Variants in GPC5 observed in about 807,000 individuals in gnomAD.
The protein encoded by GPC5 is glypican 5.
Under a neutral mutation model 53.9 loss-of-function variants are expected in GPC5, and 47 were observed. That is an observed-to-expected ratio of 0.87 (90% CI 0.69 to 1.11). The LOEUF (loss-of-function observed/expected upper bound fraction) is 1.11. GPC5 is among the 50% of genes most tolerant of loss of function. The probability of loss-of-function intolerance (pLI) is 0.00; values close to 1 mark genes in which losing one functional copy is unlikely to be tolerated. For missense variants in GPC5, 748 were observed against 713.1 expected, an observed-to-expected ratio of 1.05 and a Z score of -0.56; for synonymous variants, 286 against 263.3, an observed-to-expected ratio of 1.09 and a Z score of -0.84.
intron 7 of GPC5, among the ~76,000 whole-genome samples, chr13:92,802,607 A>G (rs1333913935): frequency 6.6e-6 from 1 of 151,866 alleles, no homozygotes; most frequent in East Asian, 1.9e-4. Flanking sequence ...ACCATGGAAT[A>G]CTATGCTGAG....
intron 2 of GPC5, among the ~76,000 whole-genome samples, chr13:91,673,572 C>A (rs1347749680): frequency 1.3e-5 from 2 of 152,148 alleles, no homozygotes; most frequent in African/African-American, 4.8e-5. Flanking sequence ...ATGTAAGCTT[C>A]CTTAGCGTGA....
At chr13:91,639,484 A>C (rs1366281356) in intron 2 of GPC5, among the ~76,000 whole-genome samples, 7 of 152,236 alleles carry the variant, frequency 4.6e-5, no homozygotes, top group Non-Finnish European at 1.0e-4. Context: ...TAGCTTGCTC[A>C]TGCATTTATC....
At chr13:92,234,344 T>C (rs563399708) in intron 7 of GPC5, among the ~76,000 whole-genome samples, 16 of 152,234 alleles carry the variant, frequency 1.1e-4, no homozygotes, top group East Asian at 5.8e-4. Context: ...TTTTAATGAT[T>C]GCCATTCTAA....
intron 2 of GPC5, among the ~76,000 whole-genome samples, chr13:91,675,144 TA>T (rs1025126395): frequency 7.4e-4 from 103 of 139,184 alleles, no homozygotes; most frequent in African/African-American, 2.6e-3. Flanking sequence ...TTGGTTACAT[TA>T]AAAAAAAAAC....
At chr13:91,756,197 AT>A in intron 4 of GPC5, 97 bp from the exon 5 acceptor site, 1 of 853,656 alleles carries the variant, frequency 1.2e-6, no homozygotes, top group Non-Finnish European at 1.6e-6. Flanking sequence ...CAATATAAAA[AT>A]TATATCCTAA....
chr13:92,064,699 G>A (rs1353634945), intron 6 of GPC5, among the ~76,000 whole-genome samples: 2 of 146,378 alleles, frequency 1.4e-5, no homozygotes, highest in African/African-American at 2.5e-5. Context: ...AGAGGTTGCA[G>A]TGAGCCAAGA....
chr13:92,602,231 A>ATAATATATATAT (rs1555294283), intron 7 of GPC5, among the ~76,000 whole-genome samples: 1 of 4,964 alleles, frequency 2.0e-4, no homozygotes, highest in Non-Finnish European at 1.6e-3. Context: ...ATATATATAT[A>ATAATATATATAT]ACATATATAT....
At position 92,296,773 on chromosome 13, in the gene GPC5, C is replaced by G. The variant is rs578221146; in HGVS notation, c.1561+151784C>G. On this transcript the variant is annotated intron_variant, in intron 7 of 7. Coordinates refer to ENST00000377067, the MANE Select transcript of GPC5 (RefSeq NM_004466.6). ...CCGCACTTGGAGCAGCCAGCCAGCC[C>G]TGCTGGCCCCGGGCAATGAGGGACT... Among the ~76,000 whole-genome samples the G allele has an allele frequency of 8.8e-3, 1,342 of 152,344 alleles. 11 individuals carry two copies. Among genetic ancestry groups the G allele is most frequent in the Non-Finnish European group, 0.015 (1,005 of 68,026 alleles).
chr13:92,548,237 G>A (rs1322745784), intron 7 of GPC5, among the ~76,000 whole-genome samples: 1 of 151,748 alleles, frequency 6.6e-6, no homozygotes, highest in Admixed American at 6.6e-5. Flanking sequence ...TAAAAAGCGT[G>A]GTTGGTTTAA....
chr13:91,669,991 T>C (rs1450594217), intron 2 of GPC5, among the ~76,000 whole-genome samples: 1 of 152,178 alleles, frequency 6.6e-6, no homozygotes, highest in Non-Finnish European at 1.5e-5. Flanking sequence ...ATGTCAATTG[T>C]ATTATTGGAC....
rs191354058 is a variant in GPC5 at position 92,024,535 on chromosome 13, T to G, written c.1401+116478T>G. Among the ~76,000 whole-genome samples the G allele has an allele frequency of 4.9e-4, 74 of 152,312 alleles. No individual in the cohort carries two copies. In the Middle Eastern group the frequency reaches 0.01, roughly 21 times the overall value. ...CTTTCTTAACATGTAAAACTGTTTC[T>G]ATTCTTATCTCACATTGTTTAAAAT... On this transcript the variant is annotated intron_variant, in intron 6 of 7. Coordinates refer to ENST00000377067, the MANE Select transcript of GPC5 (RefSeq NM_004466.6).
In GPC5 at chr13:91,738,029, C is replaced by A. The variant is rs191792396; in HGVS notation, c.1154+9364C>A. On this transcript the variant is annotated intron_variant, in intron 4 of 7. Coordinates refer to ENST00000377067, the MANE Select transcript of GPC5 (RefSeq NM_004466.6). ...TAAAGAAAGGAATACAGAGCTGGAT[C>A]TTCTAGTGGGTAGTGAAGACAAACT... is the stretch of plus-strand genomic sequence containing the variant. 3.4e-3 allele frequency among the ~76,000 whole-genome samples: 521 copies of A among 151,392 alleles called. 28 individuals are homozygous for A. Among genetic ancestry groups the A allele is most frequent in the African/African-American group, 0.012 (495 of 40,798 alleles).
At chr13:91,871,849 T>C (rs1423183699) in intron 5 of GPC5, among the ~76,000 whole-genome samples, 1 of 152,098 alleles carries the variant, frequency 6.6e-6, no homozygotes, top group African/African-American at 2.4e-5. Flanking sequence ...AACTGCTTTT[T>C]TCATGACAGT....
chr13:92,584,398 C>T (rs1361706166), intron 7 of GPC5, among the ~76,000 whole-genome samples: 1 of 152,114 alleles, frequency 6.6e-6, no homozygotes, highest in African/African-American at 2.4e-5. Context: ...TTTGCCCCTG[C>T]CCTAGAGATC....
chr13:92,167,744 C>A (rs1566466342), intron 7 of GPC5, among the ~76,000 whole-genome samples: 1 of 152,066 alleles, frequency 6.6e-6, no homozygotes, highest in Non-Finnish European at 1.5e-5. Flanking sequence ...CTCTACTGGT[C>A]TGAATCATGT....
At chr13:92,408,988 G>A (rs771832018) in intron 7 of GPC5, among the ~76,000 whole-genome samples, 7 of 151,844 alleles carry the variant, frequency 4.6e-5, no homozygotes, top group Admixed American at 1.3e-4. Context: ...ATTTACTATC[G>A]AAGGTTTGTA....
chr13:91,719,831 AT>A (rs56126939), intron 3 of GPC5, among the ~76,000 whole-genome samples: 37,995 of 148,562 alleles, frequency 0.26, 5,115 homozygotes, highest in East Asian at 0.4. Flanking sequence ...CTTCTCCCTC[AT>A]TTTTTTTTTC....
chr13:91,962,046 C>T (rs1422333371), intron 6 of GPC5, among the ~76,000 whole-genome samples: 1 of 152,118 alleles, frequency 6.6e-6, no homozygotes, highest in Non-Finnish European at 1.5e-5. Flanking sequence ...CCTTTGAAAA[C>T]TATGGAGGAT....
intron 7 of GPC5, among the ~76,000 whole-genome samples, chr13:92,841,218 G>A (rs370944094): frequency 1.1e-4 from 16 of 152,106 alleles, no homozygotes; most frequent in South Asian, 6.2e-4. Context: ...CATCATTTGC[G>A]TTAACATTAT....
Sources: gnomAD v4.1 joint callset for allele counts (sites outside exome capture counted in the v4.1 genomes callset) on GRCh38, gnomAD v4.1.1 for gene constraint, MANE v1.5 for transcripts, NCBI Gene and HGNC (gene_info 2026-07-23, HGNC 2026-07-21) for gene names.